The following DCLRE1C variants were observed in gnomAD, a reference collection of about 807,000 sequenced individuals.
DCLRE1C encodes DNA cross-link repair 1C, also known as protein artemis.
Under a neutral mutation model 61.4 loss-of-function variants are expected in DCLRE1C, and 47 were observed. That is an observed-to-expected ratio of 0.77 (90% CI 0.61 to 0.98). The LOEUF is 0.98. Among genes scored for constraint, DCLRE1C ranks in the 50% least tolerant of loss-of-function variants. The probability of loss-of-function intolerance (pLI) is 0.00; values close to 1 mark genes in which losing one functional copy is unlikely to be tolerated. For synonymous variants in DCLRE1C, 337 were observed against 287.6 expected (o/e 1.17, Z -1.74); for missense variants, 858 against 816.0 (o/e 1.05, Z -0.63).
At chr10:14,920,236 C>A (rs1836875513) in intron 12 of DCLRE1C, 3 of 406,474 alleles carry the variant, frequency 7.4e-6, no homozygotes, top group Non-Finnish European at 1.2e-5. Flanking sequence ...GCTGCTTCTC[C>A]TGCCCTGTTC....
At chr10:14,917,835 A>G (rs1207154628) in intron 13 of DCLRE1C, among the ~76,000 whole-genome samples, 4 of 152,182 alleles carry the variant, frequency 2.6e-5, no homozygotes, top group Non-Finnish European at 4.4e-5. Flanking sequence ...AAACCCAACA[A>G]TTTAAAAATG....
intron 8 of DCLRE1C, among the ~76,000 whole-genome samples, 179 bp downstream of exon 8, chr10:14,934,201 G>A (rs1198557515): frequency 4.0e-5 from 6 of 151,796 alleles, no homozygotes; most frequent in South Asian, 2.1e-4. Context: ...GGTGGCTCAC[G>A]CCTGTAATCC....
intron 9 of DCLRE1C, among the ~76,000 whole-genome samples, chr10:14,928,813 C>T (rs530440535): frequency 1.5e-4 from 21 of 141,456 alleles, no homozygotes; most frequent in African/African-American, 4.2e-4. Context: ...TAGACAGTCT[C>T]GCTTTGTCAC....
At position 14,945,182 on chromosome 10, in the gene DCLRE1C, C is replaced by A. The variant is rs138077101; in HGVS notation, c.169G>T (p.Val57Phe). The change falls in exon 3 of 14, where the codon GTT (valine) becomes TTT (phenylalanine). Residue 57 changes from valine to phenylalanine, a missense_variant. Physicochemically the swap from Val to Phe is conservative, Grantham distance 50 (BLOSUM62 -1). Transcript: ENST00000378278. ...GTCACAGGTGAACAGTATAGATAAA[C>A]CTTCAAGCTGAAAGGAAAAAAGAAA... Reference protein sequence around the residue: ...LKRRLECSLKVYLYCSPVTKE... With the variant: ...LKRRLECSLKFYLYCSPVTKE... 418 of 1,612,212 alleles carry A rather than the reference C, an allele frequency of 2.6e-4. 4 individuals are homozygous for A. Among genetic ancestry groups the A allele is most frequent in the Admixed American group, 1.5e-4 (9 of 59,906 alleles).
chr10:14,902,376 T>G, downstream of DCLRE1C: 5 of 1,444,628 alleles, frequency 3.5e-6, no homozygotes, highest in Non-Finnish European at 4.8e-6. Context: ...TAACTCTCTT[T>G]CTCCTATATT....
In DCLRE1C at chr10:14,906,680, AGTTTAAC is replaced by A. The variant is rs1450079992; in HGVS notation, c.*1721_*1727del. 6.6e-6 allele frequency among the ~76,000 whole-genome samples: 1 copy of A among 152,162 alleles called. No homozygotes were observed. On this transcript the variant is annotated 3_prime_UTR_variant, in exon 14 of 14. Coordinates refer to ENST00000378278, the MANE Select transcript of DCLRE1C (RefSeq NM_001033855.3). Reference sequence around the variant, plus strand: ...ATCATGATAATGCATATCAAGTGTTAGTTTAACTGATCTGCAAATTGTTTTAAGTGGT... The same window carrying A: ...ATCATGATAATGCATATCAAGTGTTATGATCTGCAAATTGTTTTAAGTGGT...
At position 14,908,176 on chromosome 10, in the gene DCLRE1C, T is replaced by TC. The variant is rs1834624805; in HGVS notation, c.*231_*232insG. 1 of 292,298 alleles carries TC rather than the reference T, an allele frequency of 3.4e-6. No individual in the cohort carries two copies. The highest frequency in any genetic ancestry group is 6.0e-6 in the Non-Finnish European group (1 of 167,788). The allele number at this position is 292,298 out of a possible 1,614,324, so 18.1% of individuals were successfully genotyped here. A position where few individuals can be genotyped will look rare whatever the true frequency, so the allele number is the denominator to read the frequency against. Reference sequence around the variant, plus strand: ...ACCACCATGCCTGGCTTTTTTTTTTTTTTTTTTTTTTGTAAGTAGAGACAC... The same window carrying TC: ...ACCACCATGCCTGGCTTTTTTTTTTTCTTTTTTTTTTTGTAAGTAGAGACAC... On this transcript the variant is annotated 3_prime_UTR_variant, in exon 14 of 14. Transcript: ENST00000378278.
chr10:14,949,607 A>AC (rs1301474025), intron 1 of DCLRE1C, among the ~76,000 whole-genome samples: 1 of 152,278 alleles, frequency 6.6e-6, no homozygotes, highest in African/African-American at 2.4e-5. Context: ...GACTTGCTCC[A>AC]CAGCGCTCCA....
downstream of DCLRE1C, chr10:14,901,185 G>A (rs1364606801): frequency 1.9e-6 from 3 of 1,613,830 alleles, no homozygotes; most frequent in Non-Finnish European, 1.7e-6. Flanking sequence ...CTCGATACTC[G>A]TCTTCCCCGA....
intron 1 of DCLRE1C, among the ~76,000 whole-genome samples, 170 bp downstream of exon 1, chr10:14,953,732 T>C (rs1346192372): frequency 6.6e-6 from 1 of 151,824 alleles, no homozygotes; most frequent in African/African-American, 2.4e-5. Context: ...CATCCGAAAA[T>C]AGATGAAGCC....
At chr10:14,910,811 C>T (rs940745243) in intron 13 of DCLRE1C, among the ~76,000 whole-genome samples, 2 of 152,014 alleles carry the variant, frequency 1.3e-5, no homozygotes, top group African/African-American at 4.8e-5. Context: ...CTTGAAATAA[C>T]GAAAAATCAG....
intron 13 of DCLRE1C, among the ~76,000 whole-genome samples, chr10:14,916,150 C>G (rs925611862): frequency 5.9e-5 from 9 of 152,112 alleles, no homozygotes; most frequent in African/African-American, 2.2e-4. Flanking sequence ...AAATAATGAA[C>G]TTAATGGTGA....
intron 1 of DCLRE1C, among the ~76,000 whole-genome samples, chr10:14,951,389 CAAAAAAAAAAAAAAAAAA>C (rs60272216): frequency 0.028 from 1,311 of 46,232 alleles, 40 homozygotes; most frequent in South Asian, 0.13. Context: ...AACCCTGTCT[CAAAAAAAAAAAAAAAAAA>C]AAAAAAAAAA....
intron 13 of DCLRE1C, among the ~76,000 whole-genome samples, chr10:14,914,278 GA>G (rs1323838550): frequency 6.6e-6 from 1 of 152,174 alleles, no homozygotes; most frequent in Non-Finnish European, 1.5e-5. Flanking sequence ...GTTACCAGGG[GA>G]TAGACTCATT....
intron 12 of DCLRE1C, chr10:14,920,531 TC>T: frequency 2.0e-6 from 1 of 493,714 alleles, no homozygotes; most frequent in Non-Finnish European, 2.6e-6. Flanking sequence ...TCACCCCTGT[TC>T]CCACAGCTGT....
At chr10:14,902,487 T>A (rs1304153249), downstream of DCLRE1C, 7 of 1,600,524 alleles carry the variant, frequency 4.4e-6, no homozygotes, top group Non-Finnish European at 6.0e-6. Context: ...TGTGGAGCTG[T>A]GACTTGCAGA....
rs1834530099 is a variant in DCLRE1C, at chr10:14,907,647, A to G, written c.*761T>C. On this transcript the variant is annotated 3_prime_UTR_variant, in exon 14 of 14. Coordinates refer to ENST00000378278, the MANE Select transcript of DCLRE1C (RefSeq NM_001033855.3). ...GTGAACTAGACCTTTTATCATTAGG[A>G]AACTGTCCATATAACCACTCCATTT... Among the ~76,000 whole-genome samples the G allele has an allele frequency of 6.6e-6, 1 of 152,054 alleles. No individual in the cohort carries two copies. Among genetic ancestry groups the G allele is most frequent in the South Asian group, 2.1e-4 (1 of 4,818 alleles).
Position 14,946,207 on chromosome 10 carries a change from C to T in DCLRE1C, c.162-1018G>A, listed in dbSNP as rs530162666. Among the ~76,000 whole-genome samples, 5 of 151,372 alleles carry T rather than the reference C, an allele frequency of 3.3e-5. No homozygotes were observed. The South Asian group carries it at 6.3e-4, about 19-fold the overall frequency. On this transcript the variant is annotated intron_variant, in intron 2 of 13. Coordinates refer to ENST00000378278, the MANE Select transcript of DCLRE1C (RefSeq NM_001033855.3). ...ATTTTTAATAGAAATGGGGTTTCAC[C>T]GTGTTGGCCAGGCTGGTCTCGATAT...
At chr10:14,937,893 C>CAAAA (rs749452841) in intron 4 of DCLRE1C, among the ~76,000 whole-genome samples, 1 of 40,634 alleles carries the variant, frequency 2.5e-5, no homozygotes, top group Admixed American at 2.3e-4. Flanking sequence ...GGCTCAGTCT[C>CAAAA]AAAAAAAAAA....
Sources: gnomAD v4.1 joint callset for allele counts (sites outside exome capture counted in the v4.1 genomes callset) on GRCh38, gnomAD v4.1.1 for gene constraint, MANE v1.5 for transcripts, NCBI Gene and HGNC (gene_info 2026-07-23, HGNC 2026-07-21) for gene names.